SHANK2: variants seen among roughly 807,000 people sequenced by gnomAD.
SHANK2 encodes the protein SH3 and multiple ankyrin repeat domains 2, also known as SH3 and multiple ankyrin repeat domains protein 2.
Under a neutral mutation model 133.7 loss-of-function variants are expected in SHANK2, and 43 were observed. The observed-to-expected ratio is 0.32, with a 90% CI of 0.25 to 0.41. The LOEUF (loss-of-function observed/expected upper bound fraction) is 0.41. Ranked by LOEUF, SHANK2 falls within the 10% of genes least tolerant of loss-of-function variation. The pLI, the probability that SHANK2 is intolerant of heterozygous loss-of-function variation, is 1.00. For synonymous variants in SHANK2, 1,017 were observed against 952.8 expected (o/e 1.07, Z -1.24); for missense variants, 1,994 against 2,235.8 (o/e 0.89, Z 2.18).
chr11:70,586,545 G>C (rs2060255363), intron 17 of SHANK2, among the ~76,000 whole-genome samples: 1 of 152,218 alleles, frequency 6.6e-6, no homozygotes, highest in South Asian at 2.1e-4. Flanking sequence ...GACCTCGGAA[G>C]CTAACTCCGA....
At position 70,837,668 on chromosome 11, in the gene SHANK2, AG is replaced by A. The variant is rs1948840245; in HGVS notation, c.1175-16987del. Among the ~76,000 whole-genome samples the A allele has an allele frequency of 3.9e-5, 6 of 152,312 alleles. No homozygotes were observed. The South Asian group carries it at 1.0e-3, about 26-fold the overall frequency. ...CCACTGCATCACCAGCACAGAGCCCAGCCCCTCTCAAAGATGTGCGTTGAGG... is the reference window on the plus strand; with the variant it reads ...CCACTGCATCACCAGCACAGAGCCCACCCCTCTCAAAGATGTGCGTTGAGG... On this transcript the variant is annotated intron_variant, in intron 11 of 25. Transcript: ENST00000601538.
At chr11:70,605,282 C>T (rs373451942) in intron 17 of SHANK2, among the ~76,000 whole-genome samples, 1 of 152,226 alleles carries the variant, frequency 6.6e-6, no homozygotes, top group Admixed American at 6.5e-5. Context: ...GTGGGAACAC[C>T]CAGAGTGAGA....
chr11:70,480,052 G>C (rs560444787), intron 25 of SHANK2, among the ~76,000 whole-genome samples: 10 of 152,256 alleles, frequency 6.6e-5, no homozygotes, highest in Admixed American at 2.0e-4. Flanking sequence ...AACAAAGTCT[G>C]GTCATGCCAA....
Position 70,716,419 on chromosome 11 carries a change from AG to A in SHANK2, c.1778-17657del, listed in dbSNP as rs1268348216. ...TGCCGGCAGCTGAGGCTTCGGAAAT[AG>A]GACATCTAGAAAAAAGACCTGTTGA... is the stretch of plus-strand genomic sequence containing the variant. On this transcript the variant is annotated intron_variant, in intron 14 of 25. Transcript: ENST00000601538. 2.6e-5 allele frequency among the ~76,000 whole-genome samples: 4 copies of A among 152,322 alleles called. No individual in the cohort carries two copies. In the South Asian group the frequency reaches 8.3e-4, roughly 32 times the overall value.
chr11:71,064,389 C>T (rs1275381053), intron 9 of SHANK2, among the ~76,000 whole-genome samples: 1 of 152,104 alleles, frequency 6.6e-6, no homozygotes, highest in Non-Finnish European at 1.5e-5. Flanking sequence ...CACCAAGAAC[C>T]GAAGTAGAAA....
At chr11:71,119,079 C>T in intron 3 of SHANK2, 47 bp from the exon 4 acceptor site, 1 of 1,524,938 alleles carries the variant, frequency 6.6e-7, no homozygotes. Context: ...AGGACGCTAC[C>T]TGAGTCACCC....
chr11:71,181,298 GC>G (rs1424595448), intron 2 of SHANK2, among the ~76,000 whole-genome samples: 1 of 152,042 alleles, frequency 6.6e-6, no homozygotes, highest in Non-Finnish European at 1.5e-5. Flanking sequence ...ACTCTCATGT[GC>G]AAAGAAGCCA....
At chr11:71,055,985 A>T (rs1324241596) in intron 10 of SHANK2, among the ~76,000 whole-genome samples, 3 of 152,108 alleles carry the variant, frequency 2.0e-5, no homozygotes, top group Non-Finnish European at 1.5e-5. Flanking sequence ...CACAATTTTT[A>T]AAAAAGTTTA....
intron 2 of SHANK2, among the ~76,000 whole-genome samples, chr11:71,199,508 G>A (rs1274284604): frequency 6.6e-6 from 1 of 152,224 alleles, no homozygotes; most frequent in African/African-American, 2.4e-5. Context: ...GCACTTCATG[G>A]ATGGGAGGAA....
intron 11 of SHANK2, among the ~76,000 whole-genome samples, chr11:70,823,083 G>C: frequency 1.4e-5 from 1 of 73,266 alleles, no homozygotes. Flanking sequence ...GAGCTCACGG[G>C]GGACAGAGGT....
At chr11:70,845,903 A>C (rs1452011150) in intron 11 of SHANK2, among the ~76,000 whole-genome samples, 4 of 152,192 alleles carry the variant, frequency 2.6e-5, no homozygotes, top group African/African-American at 9.6e-5. Context: ...ATGAAACAAC[A>C]AGCAACGCAC....
intron 17 of SHANK2, among the ~76,000 whole-genome samples, chr11:70,594,535 T>C (rs2060371880): frequency 6.6e-6 from 1 of 152,106 alleles, no homozygotes; most frequent in African/African-American, 2.4e-5. Flanking sequence ...ATCAACAGTA[T>C]ATGAAAAGCC....
chr11:70,489,421 G>C lies in SHANK2; in HGVS notation c.2552-73C>G, dbSNP rs2058855202. 7 of 1,482,046 alleles carry C rather than the reference G, an allele frequency of 4.7e-6. No individual in the cohort carries two copies. The South Asian group carries it at 7.9e-5, about 17-fold the overall frequency. 91.8% of individuals were successfully genotyped at this position (1,482,046 alleles called of 1,614,324 possible). ...TACGCAGCTTTCCCTGAGTTTGCTG[G>C]TGCAGGGGGAGCTTTAAGCACAGCA... On this transcript the variant is annotated intron_variant, in intron 23 of 25. Coordinates refer to ENST00000601538, the MANE Select transcript of SHANK2 (RefSeq NM_012309.5).
chr11:70,672,109 G>C (rs1434659130), intron 15 of SHANK2, among the ~76,000 whole-genome samples: 1 of 145,340 alleles, frequency 6.9e-6, no homozygotes, highest in African/African-American at 2.6e-5. Context: ...TATCGCCCAG[G>C]CTGGAGTGCA....
Position 70,659,970 on chromosome 11 carries a change from A to ACC in SHANK2, c.1937-20_1937-19dup, listed in dbSNP as rs2061460722. ...TGTGTCAGCTGGGAAGACAAGCAGC[A>ACC]CCTGGTTACAAGCCTGGGAGATGTC... On this transcript the variant is annotated intron_variant, in intron 16 of 25. Coordinates refer to ENST00000601538, the MANE Select transcript of SHANK2 (RefSeq NM_012309.5). 6.2e-7 allele frequency: 1 copy of ACC among 1,613,994 alleles called. No homozygotes were observed. Among genetic ancestry groups the ACC allele is most frequent in the Non-Finnish European group, 8.5e-7 (1 of 1,180,016 alleles).
At chr11:71,236,687 T>C (rs1300283655) in intron 1 of SHANK2, among the ~76,000 whole-genome samples, 1 of 152,142 alleles carries the variant, frequency 6.6e-6, no homozygotes, top group Non-Finnish European at 1.5e-5. Context: ...ATAAGTAAAG[T>C]TTTACTGGAA....
chr11:70,790,835 T>C (rs1947772679), intron 14 of SHANK2, among the ~76,000 whole-genome samples: 1 of 152,144 alleles, frequency 6.6e-6, no homozygotes, highest in Admixed American at 6.5e-5. Flanking sequence ...CCACAGGGTG[T>C]CACGGGCGAT....
In SHANK2 at chr11:70,908,072, C is replaced by T. The variant is rs112562680; in HGVS notation, c.1108-11505G>A. 3.3e-3 allele frequency: 907 copies of T among 274,912 alleles called. 7 individuals are homozygous for T. The highest frequency in any genetic ancestry group is 0.019 in the African/African-American group (847 of 44,454). 17.0% of individuals were successfully genotyped at this position (274,912 alleles called of 1,614,324 possible). A position where few individuals can be genotyped will look rare whatever the true frequency, so the allele number is the denominator to read the frequency against. On this transcript the variant is annotated intron_variant, in intron 10 of 25. Coordinates refer to ENST00000601538, the MANE Select transcript of SHANK2 (RefSeq NM_012309.5). ...GCCGGGATCGTGCCATTGCACTCTG[C>T]GCAACAGAGTGAGAGTCCATCTCAA...
chr11:70,898,109 T>A (rs572712562), intron 10 of SHANK2, among the ~76,000 whole-genome samples: 2 of 151,956 alleles, frequency 1.3e-5, no homozygotes, highest in East Asian at 3.9e-4. Context: ...ATTACAGGCA[T>A]GTGCCACCAT....
Sources: gnomAD v4.1 joint callset for allele counts (sites outside exome capture counted in the v4.1 genomes callset) on GRCh38, gnomAD v4.1.1 for gene constraint, MANE v1.5 for transcripts, NCBI Gene and HGNC (gene_info 2026-07-23, HGNC 2026-07-21) for gene names.